GPC5: variants seen among roughly 807,000 people sequenced by gnomAD.
GPC5 encodes the protein glypican 5.
A neutral mutation model predicts 53.9 loss-of-function variants in GPC5; 47 were observed. The ratio of observed to expected loss-of-function variants is 0.87; its 90% confidence interval spans 0.69 to 1.11. The LOEUF (loss-of-function observed/expected upper bound fraction) is 1.11. Among genes scored for constraint, GPC5 ranks in the 50% most tolerant of loss-of-function variants. The probability of loss-of-function intolerance (pLI) is 0.00; values close to 1 mark genes in which losing one functional copy is unlikely to be tolerated. For synonymous variants in GPC5, 286 were observed against 263.3 expected, an observed-to-expected ratio of 1.09 and a Z score of -0.84; for missense variants, 748 against 713.1, an observed-to-expected ratio of 1.05 and a Z score of -0.56.
At chr13:91,817,177 C>T (rs73607679) in intron 5 of GPC5, among the ~76,000 whole-genome samples, 4,166 of 152,228 alleles carry the variant, frequency 0.027, 198 homozygotes, top group African/African-American at 0.094. Flanking sequence ...AAATGCAATG[C>T]CAGCTCTTGA....
intron 2 of GPC5, among the ~76,000 whole-genome samples, chr13:91,518,969 A>G (rs1594199608): frequency 6.6e-6 from 1 of 152,324 alleles, no homozygotes; most frequent in African/African-American, 2.4e-5. Flanking sequence ...CCACTGTGCC[A>G]TGTCCTTACA....
chr13:91,572,008 C>T (rs1273810817), intron 2 of GPC5, among the ~76,000 whole-genome samples: 1 of 138,656 alleles, frequency 7.2e-6, no homozygotes, highest in Non-Finnish European at 1.6e-5. Flanking sequence ...TGTATATATG[C>T]ATATATGCAT....
At chr13:91,903,874 C>T (rs2039524260) in intron 5 of GPC5, among the ~76,000 whole-genome samples, 1 of 151,938 alleles carries the variant, frequency 6.6e-6, no homozygotes, top group Non-Finnish European at 1.5e-5. Flanking sequence ...AACATTCCTG[C>T]CTTTTTAAAG....
At chr13:92,628,499 A>G (rs1042978047) in intron 7 of GPC5, among the ~76,000 whole-genome samples, 3 of 151,836 alleles carry the variant, frequency 2.0e-5, no homozygotes, top group Non-Finnish European at 4.4e-5. Flanking sequence ...TGACTCTGAG[A>G]CATTCCCGTG....
intron 5 of GPC5, among the ~76,000 whole-genome samples, chr13:91,819,056 C>T (rs556044674): frequency 1.7e-4 from 26 of 150,728 alleles, no homozygotes; most frequent in African/African-American, 5.6e-4. Flanking sequence ...GAAACATGGG[C>T]GTATTGCCAG....
intron 5 of GPC5, among the ~76,000 whole-genome samples, chr13:91,822,134 G>T (rs1018329174): frequency 9.9e-5 from 15 of 152,156 alleles, no homozygotes; most frequent in African/African-American, 2.7e-4. Flanking sequence ...AACCACAAGT[G>T]AAGAGCAAGC....
intron 6 of GPC5, among the ~76,000 whole-genome samples, chr13:92,075,457 T>G (rs1243412245): frequency 6.6e-6 from 1 of 152,192 alleles, no homozygotes; most frequent in Non-Finnish European, 1.5e-5. Flanking sequence ...TCAGAGGAGA[T>G]GAGACATATA....
intron 7 of GPC5, among the ~76,000 whole-genome samples, chr13:92,459,491 G>T (rs1343940619): frequency 6.6e-6 from 1 of 152,056 alleles, no homozygotes; most frequent in Non-Finnish European, 1.5e-5. Context: ...CTTTATTTCT[G>T]ACCTTGTTCT....
intron 6 of GPC5, 71 bp downstream of exon 6, chr13:91,908,128 G>A: frequency 8.1e-7 from 1 of 1,229,236 alleles, no homozygotes; most frequent in East Asian, 2.7e-5. Flanking sequence ...TGTTATATTT[G>A]ATAAATTTGT....
intron 7 of GPC5, among the ~76,000 whole-genome samples, chr13:92,290,567 G>A (rs1043812668): frequency 2.0e-5 from 3 of 152,268 alleles, no homozygotes; most frequent in Non-Finnish European, 4.4e-5. Context: ...TCCCACTTAT[G>A]AGGGAGAACA....
intron 2 of GPC5, among the ~76,000 whole-genome samples, chr13:91,482,410 A>G (rs956656411): frequency 3.9e-5 from 6 of 152,166 alleles, no homozygotes; most frequent in African/African-American, 1.2e-4. Context: ...TCTGTTCTTT[A>G]TAAATCACCC....
chr13:92,450,088 C>T (rs370742027), intron 7 of GPC5, among the ~76,000 whole-genome samples: 40 of 152,208 alleles, frequency 2.6e-4, no homozygotes, highest in African/African-American at 9.6e-4. Context: ...CAGAGAGTTT[C>T]AGAAGTAAAA....
intron 7 of GPC5, among the ~76,000 whole-genome samples, chr13:92,244,748 G>A (rs1269474012): frequency 1.3e-5 from 2 of 151,980 alleles, no homozygotes; most frequent in Non-Finnish European, 2.9e-5. Context: ...AGTTAAAATT[G>A]CATATTGTTG....
chr13:92,626,651 C>T (rs7996879), intron 7 of GPC5, among the ~76,000 whole-genome samples: 9,895 of 152,102 alleles, frequency 0.065, 964 homozygotes, highest in African/African-American at 0.21. Flanking sequence ...TAATTTAATG[C>T]TGGGTTGGAT....
chr13:92,679,438 A>C (rs1019556390), intron 7 of GPC5, among the ~76,000 whole-genome samples: 2 of 152,240 alleles, frequency 1.3e-5, no homozygotes, highest in Non-Finnish European at 2.9e-5. Context: ...ATATCACTTA[A>C]TTTCACAGAA....
chr13:92,305,885 G>A (rs1235228063), intron 7 of GPC5, among the ~76,000 whole-genome samples: 1 of 152,118 alleles, frequency 6.6e-6, no homozygotes, highest in Non-Finnish European at 1.5e-5. Flanking sequence ...AGGATTCAGG[G>A]GAATAGCTTT....
chr13:92,866,838 A>G lies in GPC5; in HGVS notation c.*399A>G, dbSNP rs1879352233. 6.5e-6 allele frequency: 1 copy of G among 154,056 alleles called. No homozygotes were observed. The highest frequency in any genetic ancestry group is 1.4e-5 in the Non-Finnish European group (1 of 69,378). The allele number at this position is 154,056 out of a possible 1,614,324, so 9.5% of individuals were successfully genotyped here. On this transcript the variant is annotated 3_prime_UTR_variant, in exon 8 of 8. Coordinates refer to ENST00000377067, the MANE Select transcript of GPC5 (RefSeq NM_004466.6). ...CCAGACAATGAAAACAGTATGCAGTATTTCTTAAAGTATTGAAATTAGAAT... is the reference window on the plus strand; with the variant it reads ...CCAGACAATGAAAACAGTATGCAGTGTTTCTTAAAGTATTGAAATTAGAAT...
intron 5 of GPC5, among the ~76,000 whole-genome samples, chr13:91,758,027 T>C (rs1267689212): frequency 2.0e-5 from 3 of 152,062 alleles, no homozygotes; most frequent in Non-Finnish European, 4.4e-5. Flanking sequence ...TATCTGAATA[T>C]CTCATAGAGA....
intron 7 of GPC5, among the ~76,000 whole-genome samples, chr13:92,505,109 G>A (rs1880322219): frequency 6.6e-6 from 1 of 151,700 alleles, no homozygotes; most frequent in East Asian, 1.9e-4. Context: ...GTAACTTTGA[G>A]AAGTTAAAGT....
Sources: allele counts gnomAD v4.1 joint callset (sites outside exome capture counted in the v4.1 genomes callset), GRCh38; gene constraint gnomAD v4.1.1; transcripts MANE v1.5; gene names NCBI Gene and HGNC (gene_info 2026-07-23, HGNC 2026-07-21).